The following DIS3L2 variants were observed in gnomAD, a reference collection of about 807,000 sequenced individuals.
The protein encoded by DIS3L2 is DIS3-like exonuclease 2.
DIS3L2 carries 34 observed loss-of-function variants against 97.5 expected under a neutral mutation model. The ratio of observed to expected loss-of-function variants is 0.35; its 90% CI spans 0.27 to 0.46. The LOEUF (loss-of-function observed/expected upper bound fraction) is 0.46. Ranked by LOEUF, DIS3L2 falls within the 20% of genes least tolerant of loss-of-function variation. The probability of loss-of-function intolerance (pLI) is 1.00; values close to 1 mark genes in which losing one functional copy is unlikely to be tolerated. For synonymous variants in DIS3L2, 435 were observed against 445.2 expected (o/e 0.98, Z 0.29); for missense variants, 1,038 against 1,146.0 (o/e 0.91, Z 1.36).
intron 11 of DIS3L2, among the ~76,000 whole-genome samples, chr2:232,247,936 C>A (rs966784211): frequency 1.3e-5 from 2 of 152,128 alleles, no homozygotes; most frequent in Non-Finnish European, 2.9e-5. Context: ...TCTGTAAAAG[C>A]TGTTAGCGAA....
intron 11 of DIS3L2, among the ~76,000 whole-genome samples, chr2:232,240,862 A>C (rs935492029): frequency 6.6e-6 from 1 of 152,222 alleles, no homozygotes; most frequent in Non-Finnish European, 1.5e-5. Context: ...ACCAGGAATT[A>C]CTTTTCAAAA....
chr2:232,201,843 A>T (rs1265292415), intron 9 of DIS3L2, among the ~76,000 whole-genome samples: 1 of 152,196 alleles, frequency 6.6e-6, no homozygotes, highest in African/African-American at 2.4e-5. Flanking sequence ...GGAGGGATGG[A>T]AGGAGGAAAA....
intron 10 of DIS3L2, among the ~76,000 whole-genome samples, chr2:232,229,655 A>C (rs6437055): frequency 0.61 from 92,555 of 152,176 alleles, 30,334 homozygotes; most frequent in East Asian, 0.85. Context: ...TGTTCCTCAT[A>C]CATGCTGTTC....
At chr2:232,199,292 A>G (rs1455410485) in intron 9 of DIS3L2, among the ~76,000 whole-genome samples, 1 of 152,246 alleles carries the variant, frequency 6.6e-6, no homozygotes, top group South Asian at 2.1e-4. Context: ...GAAGAGCTGT[A>G]TGGTATCAGA....
chr2:232,146,904 C>T (rs1690231552), intron 8 of DIS3L2, among the ~76,000 whole-genome samples: 1 of 152,138 alleles, frequency 6.6e-6, no homozygotes, highest in South Asian at 2.1e-4. Flanking sequence ...ATTAAAAAGT[C>T]ACTCAGAATC....
intron 6 of DIS3L2, among the ~76,000 whole-genome samples, chr2:232,106,570 T>A (rs995993796): frequency 6.6e-6 from 1 of 152,164 alleles, no homozygotes; most frequent in South Asian, 2.1e-4. Flanking sequence ...CCTAAATATA[T>A]ATGCACCCAA....
In DIS3L2 at chr2:232,330,600, C is replaced by T. The variant is rs970222223; in HGVS notation, c.1924-90C>T. The T allele has an allele frequency of 6.6e-6, 9 of 1,368,270 alleles. No individual in the cohort carries two copies. In the African/African-American group the frequency reaches 7.1e-5, roughly 11 times the overall value. The allele number at this position is 1,368,270 out of a possible 1,614,324, so 84.8% of individuals were successfully genotyped here. The stretch of plus-strand genomic sequence containing the variant: ...CACAGGCAACTCCTCCCCCCAGAGC[C>T]GGGCATGAGGTGCTCAGCGGATGAC... On this transcript the variant is annotated intron_variant, in intron 15 of 20. Coordinates refer to ENST00000325385, the MANE Select transcript of DIS3L2 (RefSeq NM_152383.5).
chr2:232,164,104 T>G (rs1690735445), intron 9 of DIS3L2, among the ~76,000 whole-genome samples: 1 of 152,144 alleles, frequency 6.6e-6, no homozygotes, highest in South Asian at 2.1e-4. Context: ...TCTAGACCAT[T>G]CTAACTTCAA....
intron 11 of DIS3L2, among the ~76,000 whole-genome samples, chr2:232,239,245 G>T (rs1348719718): frequency 6.6e-6 from 1 of 152,228 alleles, no homozygotes; most frequent in African/African-American, 2.4e-5. Flanking sequence ...GGACTGGACA[G>T]ATTCATCTCA....
At chr2:232,328,453 C>T (rs1434908622) in intron 14 of DIS3L2, 2 of 152,200 alleles carry the variant, frequency 1.3e-5, no homozygotes, top group African/African-American at 2.4e-5. Context: ...TCTGCCCTGG[C>T]AGGCCCACCC....
At chr2:232,333,095 C>T (rs1263536787) in intron 16 of DIS3L2, among the ~76,000 whole-genome samples, 1 of 151,828 alleles carries the variant, frequency 6.6e-6, no homozygotes, top group African/African-American at 2.4e-5. Flanking sequence ...GCGGCCTCCT[C>T]CTCTTCCTCC....
chr2:232,222,891 G>A (rs1284124801), intron 10 of DIS3L2, among the ~76,000 whole-genome samples: 1 of 152,218 alleles, frequency 6.6e-6, no homozygotes, highest in Non-Finnish European at 1.5e-5. Context: ...GGGCTTCTGG[G>A]ATGCTTGCCA....
chr2:232,251,256 T>G (rs1693410636), intron 12 of DIS3L2, among the ~76,000 whole-genome samples: 1 of 152,132 alleles, frequency 6.6e-6, no homozygotes. Flanking sequence ...GAAAAGAAAT[T>G]ATCACTTATA....
At chr2:232,216,424 T>C (rs1234131210) in intron 10 of DIS3L2, among the ~76,000 whole-genome samples, 2 of 152,182 alleles carry the variant, frequency 1.3e-5, no homozygotes, top group Admixed American at 6.5e-5. Context: ...CCTCTCATGC[T>C]CTACAACCTT....
chr2:232,046,297 A>G (rs1228576006), intron 5 of DIS3L2, among the ~76,000 whole-genome samples: 1 of 152,038 alleles, frequency 6.6e-6, no homozygotes. Flanking sequence ...TTTTGGGGTA[A>G]TTTGGATTAT....
chr2:232,280,832 G>A (rs1694263886), intron 13 of DIS3L2, among the ~76,000 whole-genome samples: 1 of 152,246 alleles, frequency 6.6e-6, no homozygotes, highest in African/African-American at 2.4e-5. Flanking sequence ...ACACAGCTCT[G>A]TCTTCAAGAA....
intron 5 of DIS3L2, among the ~76,000 whole-genome samples, chr2:232,073,493 A>C (rs1249048700): frequency 2.0e-5 from 3 of 152,200 alleles, no homozygotes; most frequent in Non-Finnish European, 4.4e-5. Context: ...AGGAGAATGT[A>C]ATAGGGTTTA....
intron 10 of DIS3L2, among the ~76,000 whole-genome samples, chr2:232,221,529 C>G (rs1372703586): frequency 1.3e-5 from 2 of 152,186 alleles, no homozygotes; most frequent in African/African-American, 4.8e-5. Context: ...TCCAGCTGGG[C>G]ACAGTGGCTC....
At position 232,093,389 on chromosome 2, in the gene DIS3L2, A is replaced by G. The variant is rs1480780001; in HGVS notation, c.601+5668A>G. 2.6e-5 allele frequency among the ~76,000 whole-genome samples: 4 copies of G among 152,196 alleles called. No individual in the cohort carries two copies. The Middle Eastern group carries it at 0.01, about 388-fold the overall frequency. On this transcript the variant is annotated intron_variant, in intron 6 of 20. Coordinates refer to ENST00000325385, the MANE Select transcript of DIS3L2 (RefSeq NM_152383.5). ...CTTTATCTGTTTTTGATATCAGGGT[A>G]ATATTGCCCCTGTAGAATGAGTTTG...
Sources: allele counts gnomAD v4.1 joint callset (sites outside exome capture counted in the v4.1 genomes callset), GRCh38; gene constraint gnomAD v4.1.1; transcripts MANE v1.5; gene names NCBI Gene and HGNC (gene_info 2026-07-23, HGNC 2026-07-21).